Variants in FAM20B observed in about 807,000 individuals in gnomAD.
FAM20B encodes the protein glycosaminoglycan xylosylkinase.
FAM20B carries 23 observed loss-of-function variants against 43.8 expected under a neutral mutation model. That is an observed-to-expected ratio of 0.53 (90% CI 0.38 to 0.74). The LOEUF is 0.74. Ranked by LOEUF, FAM20B falls within the 30% of genes least tolerant of loss-of-function variation. The pLI is 0.00. For synonymous variants in FAM20B, 178 were observed against 192.4 expected, an observed-to-expected ratio of 0.93 and a Z score of 0.62; for missense variants, 440 against 510.5, an observed-to-expected ratio of 0.86 and a Z score of 1.33.
intron 3 of FAM20B, among the ~76,000 whole-genome samples, chr1:179,052,741 C>T (rs1370128528): frequency 6.6e-6 from 1 of 152,142 alleles, no homozygotes; most frequent in African/African-American, 2.4e-5. Flanking sequence ...CTTTTAAGAC[C>T]TAGTGGTGGA....
At chr1:179,061,313 A>G (rs1369855408) in intron 4 of FAM20B, among the ~76,000 whole-genome samples, 1 of 151,982 alleles carries the variant, frequency 6.6e-6, no homozygotes, top group East Asian at 1.9e-4. Context: ...CCTGACCTCA[A>G]GTGATCAGGA....
the FAM20B span, among the ~76,000 whole-genome samples, chr1:179,019,331 C>T: frequency 6.6e-6 from 1 of 151,978 alleles, no homozygotes; most frequent in Non-Finnish European, 1.5e-5. Context: ...CCACAGTTGG[C>T]AGAACTTGGT....
intron 4 of FAM20B, among the ~76,000 whole-genome samples, chr1:179,061,076 ATTTTTT>A (rs67897742): frequency 4.0e-5 from 5 of 126,290 alleles, no homozygotes; most frequent in African/African-American, 1.2e-4. Flanking sequence ...TCTTTGTCGA[ATTTTTT>A]TTTTTTTTTT....
chr1:179,066,456 C>T (rs1651693809), intron 6 of FAM20B, among the ~76,000 whole-genome samples: 1 of 151,960 alleles, frequency 6.6e-6, no homozygotes, highest in African/African-American at 2.4e-5. Flanking sequence ...TCTCTCTGGT[C>T]CTTAAAACCT....
chr1:179,030,602 C>T (rs1029109467), intron 1 of FAM20B, among the ~76,000 whole-genome samples: 36 of 152,288 alleles, frequency 2.4e-4, no homozygotes, highest in Middle Eastern at 3.4e-3. Flanking sequence ...GCTATTTCTG[C>T]ATCTTTTATA....
rs923186348 is a variant in FAM20B, at chr1:179,075,290, G to A, written c.*3146G>A. On this transcript the variant is annotated 3_prime_UTR_variant, in exon 8 of 8. Transcript: ENST00000263733. ...GCTGTTACAATCAAGTCGTTGCAGG[G>A]TTTGGATCAGCTGTAAGTTAGGTAT... 1 of 152,108 alleles carries A rather than the reference G, an allele frequency of 6.6e-6. No individual in the cohort carries two copies. Among genetic ancestry groups the A allele is most frequent in the African/African-American group, 2.4e-5 (1 of 41,422 alleles). The allele number at this position is 152,108 out of a possible 1,614,324, so 9.4% of individuals were successfully genotyped here.
At position 179,072,394 on chromosome 1, in the gene FAM20B, A is replaced by G. The variant is rs2102531372; in HGVS notation, c.*250A>G. 2 of 499,196 alleles carry G rather than the reference A, an allele frequency of 4.0e-6. No individual in the cohort carries two copies. Among genetic ancestry groups the G allele is most frequent in the Admixed American group, 3.3e-5 (1 of 30,276 alleles). The allele number at this position is 499,196 out of a possible 1,614,324, so 30.9% of individuals were successfully genotyped here. ...GCAATTGCTCATTCTAGGGTTGGGC[A>G]TCATAGTTGGTCAGTCTTAATTCCC... is the stretch of plus-strand genomic sequence containing the variant. On this transcript the variant is annotated 3_prime_UTR_variant, in exon 8 of 8. Coordinates refer to ENST00000263733, the MANE Select transcript of FAM20B (RefSeq NM_014864.4).
At chr1:179,068,563 G>A (rs1651787681) in intron 7 of FAM20B, among the ~76,000 whole-genome samples, 1 of 152,040 alleles carries the variant, frequency 6.6e-6, no homozygotes. Context: ...AGCCTCCCAA[G>A]TAGTTGGGAT....
chr1:179,023,602 A>G (rs753748774), upstream of FAM20B, among the ~76,000 whole-genome samples: 11 of 152,240 alleles, frequency 7.2e-5, no homozygotes, highest in Non-Finnish European at 1.6e-4. Flanking sequence ...GAATGAATGT[A>G]TGCATCAGTG....
At chr1:179,024,790 T>G (rs961557988), upstream of FAM20B, among the ~76,000 whole-genome samples, 1 of 152,174 alleles carries the variant, frequency 6.6e-6, no homozygotes, top group African/African-American at 2.4e-5. Context: ...CACAATAATC[T>G]TAGAGTACTT....
chr1:179,041,601 C>CAGAGGGAGACCGTGGAAAG (rs1557869751), intron 1 of FAM20B, among the ~76,000 whole-genome samples: 85 of 133,604 alleles, frequency 6.4e-4, no homozygotes, highest in South Asian at 1.2e-3. Flanking sequence ...GGCTCGGCAT[C>CAGAGGGAGACCGTGGAAAG]AGAGGGAGAC....
upstream of FAM20B, among the ~76,000 whole-genome samples, chr1:179,021,130 G>A (rs1226293487): frequency 1.3e-5 from 2 of 152,116 alleles, no homozygotes; most frequent in Non-Finnish European, 2.9e-5. Flanking sequence ...CACATCCCTC[G>A]GCCAGCCATG....
At chr1:179,044,455 C>T (rs762613752) in intron 2 of FAM20B, among the ~76,000 whole-genome samples, 4 of 152,142 alleles carry the variant, frequency 2.6e-5, no homozygotes, top group Non-Finnish European at 4.4e-5. Flanking sequence ...ACTCATTTTT[C>T]CCTCTCTGCC....
intron 2 of FAM20B, 58 bp downstream of exon 2, chr1:179,044,282 T>C: frequency 1.3e-6 from 2 of 1,522,306 alleles, no homozygotes; most frequent in Non-Finnish European, 1.8e-6. Context: ...TAACTTGGGA[T>C]TTATATAAGA....
rs561110252 is a variant in FAM20B at position 179,040,354 on chromosome 1, G to A, written c.-133-3361G>A. On this transcript the variant is annotated intron_variant, in intron 1 of 7. Transcript: ENST00000263733. ...CCTCCTGGACGGGGTGGCCGGCCGG[G>A]CGGGGGGCCAACCCCCCCACTTCCC... Among the ~76,000 whole-genome samples the A allele has an allele frequency of 4.4e-3, 673 of 151,618 alleles. 4 individuals carry two copies. The highest frequency in any genetic ancestry group is 4.4e-3 in the Non-Finnish European group (300 of 67,780).
intron 1 of FAM20B, among the ~76,000 whole-genome samples, chr1:179,027,503 TTC>T (rs1649836455): frequency 6.6e-6 from 1 of 152,256 alleles, no homozygotes. Flanking sequence ...TTAATAACTT[TTC>T]TAAAGTTTGC....
At chr1:179,041,953 G>A (rs924397027) in intron 1 of FAM20B, among the ~76,000 whole-genome samples, 4 of 152,122 alleles carry the variant, frequency 2.6e-5, no homozygotes, top group Admixed American at 6.5e-5. Flanking sequence ...TTGGTTATTA[G>A]GCATGTGTAG....
At chr1:179,068,931 A>G in intron 7 of FAM20B, among the ~76,000 whole-genome samples, 1 of 152,074 alleles carries the variant, frequency 6.6e-6, no homozygotes, top group South Asian at 2.1e-4. Context: ...GCCAGAAGCA[A>G]CTCTCCAGAG....
At chr1:179,061,619 G>T (rs1275591561) in intron 4 of FAM20B, among the ~76,000 whole-genome samples, 1 of 152,144 alleles carries the variant, frequency 6.6e-6, no homozygotes, top group Admixed American at 6.5e-5. Flanking sequence ...GTGTTGTCCA[G>T]GCTGGTCTCG....
Sources: gnomAD v4.1 joint callset for allele counts (sites outside exome capture counted in the v4.1 genomes callset) on GRCh38, gnomAD v4.1.1 for gene constraint, MANE v1.5 for transcripts, NCBI Gene and HGNC (gene_info 2026-07-23, HGNC 2026-07-21) for gene names.